MYRFL: variants seen among roughly 807,000 people sequenced by gnomAD.
MYRFL encodes the protein myelin regulatory factor like.
Under a neutral mutation model 109.4 loss-of-function variants are expected in MYRFL, and 88 were observed. The ratio of observed to expected loss-of-function variants is 0.80; its 90% CI spans 0.68 to 0.96. The LOEUF is 0.96. Among genes scored for constraint, MYRFL ranks in the 40% least tolerant of loss-of-function variants. The pLI is 0.00. For missense variants in MYRFL, 957 were observed against 954.9 expected, an observed-to-expected ratio of 1.00 and a Z score of -0.03; for synonymous variants, 324 against 320.9, an observed-to-expected ratio of 1.01 and a Z score of -0.10.
At chr12:69,845,850 C>A (rs932425651) in intron 1 of MYRFL, among the ~76,000 whole-genome samples, 2 of 148,972 alleles carry the variant, frequency 1.3e-5, no homozygotes, top group Non-Finnish European at 1.5e-5. Context: ...ATATTATAAT[C>A]CTCTAGCAAA....
At chr12:69,874,913 G>A (rs9805129) in intron 2 of MYRFL, among the ~76,000 whole-genome samples, 9,651 of 150,586 alleles carry the variant, frequency 0.064, 379 homozygotes, top group Middle Eastern at 0.095. Flanking sequence ...ACTCTGATGC[G>A]GTAGATGTAT....
chr12:69,911,533 TTCAAA>T (rs1954573258), intron 13 of MYRFL, among the ~76,000 whole-genome samples: 1 of 152,214 alleles, frequency 6.6e-6, no homozygotes, highest in Non-Finnish European at 1.5e-5. Context: ...TTCTTTGATA[TTCAAA>T]TCATTCTCTT....
chr12:69,837,969 T>A (rs189998417), intron 1 of MYRFL, among the ~76,000 whole-genome samples: 16 of 152,338 alleles, frequency 1.1e-4, no homozygotes, highest in African/African-American at 3.8e-4. Flanking sequence ...AATGTATGTG[T>A]TGAGTCAATA....
chr12:69,871,131 T>C (rs1885324105), intron 2 of MYRFL, among the ~76,000 whole-genome samples: 1 of 151,938 alleles, frequency 6.6e-6, no homozygotes, highest in Non-Finnish European at 1.5e-5. Context: ...ATACTGTATA[T>C]AGCATATAAT....
intron 14 of MYRFL, 147 bp from the exon 15 acceptor site, chr12:69,927,538 C>T (rs1488682417): frequency 3.5e-6 from 2 of 563,872 alleles, no homozygotes; most frequent in Non-Finnish European, 6.1e-6. Context: ...ACAAAAGGAA[C>T]TCTCCATTGC....
At chr12:69,936,364 AC>A in intron 18 of MYRFL, 29 bp downstream of exon 18, 1 of 1,532,660 alleles carries the variant, frequency 6.5e-7, no homozygotes, top group Non-Finnish European at 8.7e-7. Flanking sequence ...TCACCCTCAA[AC>A]CCGGTTTCAA....
rs578195645 is a variant in MYRFL, at chr12:69,945,111, T to A, written c.2225-7002T>A. ...TTTAAGCTAAGTGTTATTACAAGAG[T>A]CAAAAAGTTTTTTAAAATTTAGAAG... On this transcript the variant is annotated intron_variant, in intron 19 of 24. Transcript: ENST00000552032. Among the ~76,000 whole-genome samples the A allele has an allele frequency of 1.4e-4, 22 of 152,170 alleles. No homozygotes were observed. In the East Asian group the frequency reaches 3.9e-3, roughly 27 times the overall value.
At chr12:69,879,156 C>G (rs1885890930) in intron 3 of MYRFL, 39 bp from the exon 4 acceptor site, 1 of 702,752 alleles carries the variant, frequency 1.4e-6, no homozygotes, top group Non-Finnish European at 2.6e-6. Context: ...GACTCTGGGC[C>G]GTGAGAAAGG....
At chr12:69,911,665 C>T (rs1954576832) in intron 13 of MYRFL, among the ~76,000 whole-genome samples, 1 of 152,174 alleles carries the variant, frequency 6.6e-6, no homozygotes. Context: ...TCCCTAATAC[C>T]ATATCTATTG....
chr12:69,871,501 G>A (rs1885354202), intron 2 of MYRFL, among the ~76,000 whole-genome samples: 1 of 151,966 alleles, frequency 6.6e-6, no homozygotes, highest in African/African-American at 2.4e-5. Flanking sequence ...CAAAGTGCTG[G>A]GATTACAGGC....
intron 2 of MYRFL, among the ~76,000 whole-genome samples, chr12:69,862,442 T>A (rs1592717972): frequency 6.6e-6 from 1 of 152,090 alleles, no homozygotes; most frequent in Non-Finnish European, 1.5e-5. Context: ...TGGTTTGTAG[T>A]TCTCCTTGAA....
chr12:69,868,259 G>A (rs1009114830), intron 2 of MYRFL, among the ~76,000 whole-genome samples: 18 of 151,846 alleles, frequency 1.2e-4, no homozygotes, highest in East Asian at 3.9e-4. Flanking sequence ...GGTTTGCGTC[G>A]CCATGCCTGG....
chr12:69,926,117 C>CTTTTTTT (rs147973443), intron 13 of MYRFL, among the ~76,000 whole-genome samples: 51 of 84,816 alleles, frequency 6.0e-4, no homozygotes, highest in Non-Finnish European at 8.7e-4. Context: ...TCTTCTTCTT[C>CTTTTTTT]TTTTTTTTTT....
chr12:69,873,660 A>G (rs1885489404), intron 2 of MYRFL, among the ~76,000 whole-genome samples: 1 of 152,196 alleles, frequency 6.6e-6, no homozygotes. Context: ...ATGGTTTATG[A>G]TTTCATCATG....
chr12:69,866,216 G>A (rs560598842), intron 2 of MYRFL, among the ~76,000 whole-genome samples: 275 of 152,108 alleles, frequency 1.8e-3, no homozygotes, highest in Non-Finnish European at 3.4e-3. Context: ...GAGTAGATCC[G>A]AGCCATAGTT....
chr12:69,860,388 T>G (rs944351163), intron 2 of MYRFL, among the ~76,000 whole-genome samples: 13 of 152,208 alleles, frequency 8.5e-5, no homozygotes, highest in Non-Finnish European at 1.3e-4. Context: ...TTTGCTATTG[T>G]GAATAGTTTC....
At chr12:69,865,397 C>A (rs1327412602) in intron 2 of MYRFL, among the ~76,000 whole-genome samples, 1 of 152,106 alleles carries the variant, frequency 6.6e-6, no homozygotes, top group Non-Finnish European at 1.5e-5. Context: ...GAGGTAGGGT[C>A]TCTTTGGAAT....
chr12:69,926,359 T>G (rs1219405174), intron 13 of MYRFL, among the ~76,000 whole-genome samples: 1 of 152,188 alleles, frequency 6.6e-6, no homozygotes, highest in Non-Finnish European at 1.5e-5. Flanking sequence ...TATTGGAAAT[T>G]GAACAGAAGC....
rs1198306425 is a variant in MYRFL at position 69,926,866 on chromosome 12, T to C, written c.1766+132T>C. 6 of 844,736 alleles carry C rather than the reference T, an allele frequency of 7.1e-6. No individual in the cohort carries two copies. In the African/African-American group the frequency reaches 8.7e-5, roughly 12 times the overall value. 52.3% of individuals were successfully genotyped at this position (844,736 alleles called of 1,614,324 possible). On this transcript the variant is annotated intron_variant, in intron 14 of 24. Transcript: ENST00000552032. ...CTTTCTGATAATGAAGTCTGCATTT[T>C]TCTTTTAGAATATTTTGGAGCACAA...
Sources: gnomAD v4.1 joint callset for allele counts (sites outside exome capture counted in the v4.1 genomes callset) on GRCh38, gnomAD v4.1.1 for gene constraint, MANE v1.5 for transcripts, NCBI Gene and HGNC (gene_info 2026-07-23, HGNC 2026-07-21) for gene names.